The following ANKRD44 variants were observed in gnomAD, a reference collection of about 807,000 sequenced individuals.
The protein encoded by ANKRD44 is ankyrin repeat domain 44, also known as serine/threonine-protein phosphatase 6 regulatory ankyrin repeat subunit B.
A neutral mutation model predicts 116.0 loss-of-function variants in ANKRD44; 35 were observed. The ratio of observed to expected loss-of-function variants is 0.30; its 90% confidence interval spans 0.23 to 0.40. The LOEUF (loss-of-function observed/expected upper bound fraction) is 0.40. Ranked by LOEUF, ANKRD44 falls within the 10% of genes least tolerant of loss-of-function variation. ANKRD44 has a pLI of 1.00. For missense variants in ANKRD44, 1,014 were observed against 1,242.6 expected, an observed-to-expected ratio of 0.82 and a Z score of 2.77; for synonymous variants, 435 against 461.8, an observed-to-expected ratio of 0.94 and a Z score of 0.74.
At chr2:197,217,936 A>G (rs2081488124) in intron 1 of ANKRD44, among the ~76,000 whole-genome samples, 1 of 152,210 alleles carries the variant, frequency 6.6e-6, no homozygotes, top group Non-Finnish European at 1.5e-5. Flanking sequence ...AAAGCCCTTC[A>G]CTCCTGTACT....
chr2:197,101,184 G>T (rs1378110434), intron 9 of ANKRD44, among the ~76,000 whole-genome samples: 4 of 150,986 alleles, frequency 2.6e-5, no homozygotes, highest in African/African-American at 7.3e-5. Flanking sequence ...ATAGCACTTG[G>T]TTGTCATGTC....
intron 15 of ANKRD44, among the ~76,000 whole-genome samples, chr2:197,081,245 C>G (rs59331942): frequency 6.6e-6 from 1 of 152,102 alleles, no homozygotes; most frequent in African/African-American, 2.4e-5. Flanking sequence ...TATTTCACAC[C>G]GAAGTATTAA....
At chr2:197,227,003 G>C (rs2081733155) in intron 1 of ANKRD44, among the ~76,000 whole-genome samples, 1 of 152,068 alleles carries the variant, frequency 6.6e-6, no homozygotes, top group South Asian at 2.1e-4. Context: ...TTTTACCCTA[G>C]GAGTTCACTG....
intron 16 of ANKRD44, among the ~76,000 whole-genome samples, chr2:197,025,597 C>A (rs2076576536): frequency 1.3e-5 from 2 of 152,294 alleles, no homozygotes; most frequent in Admixed American, 1.3e-4. Context: ...AGACAAGACT[C>A]CTGCTCTCAT....
At chr2:197,124,302 T>G (rs1390688343) in intron 6 of ANKRD44, among the ~76,000 whole-genome samples, 1 of 152,320 alleles carries the variant, frequency 6.6e-6, no homozygotes, top group South Asian at 2.1e-4. Flanking sequence ...ACAATTAATG[T>G]TAATTTTTAA....
intron 1 of ANKRD44, among the ~76,000 whole-genome samples, chr2:197,275,459 G>A (rs568733443): frequency 6.1e-5 from 9 of 147,252 alleles, no homozygotes; most frequent in African/African-American, 1.0e-4. Flanking sequence ...AATACAACAC[G>A]CACTCATAAA....
intron 1 of ANKRD44, among the ~76,000 whole-genome samples, chr2:197,208,996 A>G (rs76742107): frequency 0.025 from 3,740 of 152,272 alleles, 173 homozygotes; most frequent in African/African-American, 0.084. Flanking sequence ...GGCATTTAGA[A>G]TAAAGGCAAA....
chr2:197,170,765 T>A (rs1482456895), intron 2 of ANKRD44, among the ~76,000 whole-genome samples: 3 of 152,338 alleles, frequency 2.0e-5, no homozygotes, highest in East Asian at 3.9e-4. Context: ...TAGAGTCTCT[T>A]TCCTGTATTA....
At chr2:197,125,527 C>CCA in intron 5 of ANKRD44, 59 bp from the exon 6 acceptor site, 1 of 1,462,900 alleles carries the variant, frequency 6.8e-7, no homozygotes, top group Non-Finnish European at 9.6e-7. Context: ...GGCCTCCTCA[C>CCA]TGCCTGCAGA....
chr2:197,107,690 T>C (rs1286191428), intron 9 of ANKRD44, among the ~76,000 whole-genome samples: 3 of 152,234 alleles, frequency 2.0e-5, no homozygotes, highest in African/African-American at 7.2e-5. Flanking sequence ...CTCAGTAGCA[T>C]GTTTAGTTGC....
Position 197,271,692 on chromosome 2 carries a change from G to A in ANKRD44, c.27+38886C>T, listed in dbSNP as rs534363306. 1.3e-4 allele frequency among the ~76,000 whole-genome samples: 20 copies of A among 152,222 alleles called. No homozygotes were observed. In the South Asian group the frequency reaches 2.3e-3, roughly 17 times the overall value. On this transcript the variant is annotated intron_variant, in intron 1 of 27. Transcript: ENST00000282272. ...GCTCTGTTGCCCAGGCTGGAGTGCA[G>A]CCTCAACCTCCTGGGCTCAAGTGAT... is the stretch of plus-strand genomic sequence containing the variant.
chr2:197,246,411 T>C (rs1469147044), intron 1 of ANKRD44, among the ~76,000 whole-genome samples: 2 of 139,250 alleles, frequency 1.4e-5, no homozygotes, highest in African/African-American at 5.5e-5. Context: ...CAGGCTGGTC[T>C]TGAACTCCTG....
chr2:197,165,741 A>G (rs978114517), intron 2 of ANKRD44, among the ~76,000 whole-genome samples: 1 of 152,192 alleles, frequency 6.6e-6, no homozygotes, highest in Non-Finnish European at 1.5e-5. Flanking sequence ...GGAACCATTT[A>G]CCCTAAGACC....
chr2:196,984,535 A>G (rs1202888144), downstream of ANKRD44, among the ~76,000 whole-genome samples: 2 of 152,228 alleles, frequency 1.3e-5, no homozygotes, highest in Non-Finnish European at 2.9e-5. Context: ...TCTGGAACAC[A>G]TTAAGTGTGT....
downstream of ANKRD44, among the ~76,000 whole-genome samples, chr2:196,982,679 C>T (rs1306104281): frequency 6.6e-6 from 1 of 152,192 alleles, no homozygotes; most frequent in Middle Eastern, 3.2e-3. Context: ...TGTTGCCAGA[C>T]AATCCAAGCC....
At chr2:197,188,655 C>A (rs1027658227) in intron 1 of ANKRD44, among the ~76,000 whole-genome samples, 1 of 152,064 alleles carries the variant, frequency 6.6e-6, no homozygotes, top group Non-Finnish European at 1.5e-5. Context: ...ACCAGACAAC[C>A]CTACATAGAT....
Position 197,136,636 on chromosome 2 carries a change from T to G in ANKRD44, c.217A>C (p.Met73Leu), listed in dbSNP as rs747602122. The part of the protein sequence containing the change: ...SGARVNAKDN[M>L]WLTPLHRAVA... ...GCCCGGTGCAGTGGAGTCAGCCACA[T>G]GTTGTCCTTGGCATTTACACGAGCT... The change falls in exon 4 of 28, where the codon ATG (methionine) becomes CTG (leucine). Residue 73 changes from methionine to leucine, a missense_variant. Physicochemically the swap from Met to Leu is conservative, Grantham distance 15 (BLOSUM62 2). Transcript: ENST00000282272. 6.2e-7 allele frequency: 1 copy of G among 1,614,178 alleles called. No individual in the cohort carries two copies. The highest frequency in any genetic ancestry group is 2.2e-5 in the East Asian group (1 of 44,884).
At chr2:197,173,434 T>C (rs1185866256) in intron 2 of ANKRD44, among the ~76,000 whole-genome samples, 1 of 152,234 alleles carries the variant, frequency 6.6e-6, no homozygotes, top group Admixed American at 6.5e-5. Flanking sequence ...AGTAATTCTG[T>C]ACCTATATTT....
chr2:197,258,724 A>T (rs1459766009), intron 1 of ANKRD44, among the ~76,000 whole-genome samples: 1 of 152,198 alleles, frequency 6.6e-6, no homozygotes, highest in East Asian at 1.9e-4. Context: ...CAAGGTCTTC[A>T]ATTTCCCCAC....
Sources: gnomAD v4.1 joint callset for allele counts (sites outside exome capture counted in the v4.1 genomes callset) on GRCh38, gnomAD v4.1.1 for gene constraint, MANE v1.5 for transcripts, NCBI Gene and HGNC (gene_info 2026-07-23, HGNC 2026-07-21) for gene names.